The following SLC25A12 variants were observed in gnomAD, a reference collection of about 807,000 sequenced individuals.
SLC25A12 encodes the protein electrogenic aspartate/glutamate antiporter SLC25A12, mitochondrial.
Under a neutral mutation model 83.3 loss-of-function variants are expected in SLC25A12, and 32 were observed. That is an observed-to-expected ratio of 0.38 (90% CI 0.29 to 0.52). The LOEUF is 0.52. SLC25A12 is among the 20% of genes least tolerant of loss of function. SLC25A12 has a pLI of 0.84. For missense variants in SLC25A12, 611 were observed against 835.6 expected (o/e 0.73, Z 3.31); for synonymous variants, 267 against 291.1 (o/e 0.92, Z 0.84).
At chr2:171,857,778 C>A (rs1685076407) in intron 3 of SLC25A12, among the ~76,000 whole-genome samples, 1 of 151,846 alleles carries the variant, frequency 6.6e-6, no homozygotes, top group Non-Finnish European at 1.5e-5. Context: ...GTAGTCCCAG[C>A]TACTCAAAAG....
chr2:171,800,236 C>G (rs1049735393), intron 13 of SLC25A12, among the ~76,000 whole-genome samples: 2 of 151,962 alleles, frequency 1.3e-5, no homozygotes, highest in Admixed American at 1.3e-4. Flanking sequence ...TGACAAAGGG[C>G]TGTATCCATG....
intron 2 of SLC25A12, among the ~76,000 whole-genome samples, chr2:171,875,166 G>C (rs1338904856): frequency 1.3e-5 from 2 of 152,116 alleles, no homozygotes; most frequent in African/African-American, 4.8e-5. Flanking sequence ...CAACCAATCA[G>C]ACCAATTGCG....
chr2:171,810,627 T>C (rs540495163), intron 11 of SLC25A12, among the ~76,000 whole-genome samples: 1 of 152,286 alleles, frequency 6.6e-6, no homozygotes, highest in South Asian at 2.1e-4. Context: ...CCTCCCTTAT[T>C]ACAACCAACA....
At chr2:171,840,133 C>T (rs1211731823) in intron 5 of SLC25A12, among the ~76,000 whole-genome samples, 3 of 152,110 alleles carry the variant, frequency 2.0e-5, no homozygotes, top group Non-Finnish European at 2.9e-5. Flanking sequence ...TCTAATATTC[C>T]AGATTGGAGA....
rs1009219961 is a variant in SLC25A12, at chr2:171,834,654, G to A, written c.751+73C>T. 1.2e-5 allele frequency: 18 copies of A among 1,519,234 alleles called. No individual in the cohort carries two copies. In the Admixed American group the frequency reaches 2.8e-4, roughly 24 times the overall value. 94.1% of individuals were successfully genotyped at this position (1,519,234 alleles called of 1,614,324 possible). On this transcript the variant is annotated intron_variant, in intron 7 of 17. Transcript: ENST00000422440. ...ATCTGGCTTTAGAGTGGTAAGCTTAGATCAACATCATGCCTCAGTGAAGAA... is the reference window on the plus strand; with the variant it reads ...ATCTGGCTTTAGAGTGGTAAGCTTAAATCAACATCATGCCTCAGTGAAGAA...
intron 3 of SLC25A12, among the ~76,000 whole-genome samples, chr2:171,862,881 AGG>A (rs1685193407): frequency 6.6e-6 from 1 of 152,068 alleles, no homozygotes; most frequent in Admixed American, 6.6e-5. Context: ...AAATAGAAAG[AGG>A]GAGAAAAGAG....
In SLC25A12 at chr2:171,855,966, A is replaced by C; in HGVS notation, c.210-17T>G. The C allele has an allele frequency of 7.1e-7, 1 of 1,410,532 alleles. No individual in the cohort carries two copies. The highest frequency in any genetic ancestry group is 1.0e-6 in the Non-Finnish European group (1 of 994,474). 87.4% of individuals were successfully genotyped at this position (1,410,532 alleles called of 1,614,324 possible). On this transcript the variant is annotated splice_polypyrimidine_tract_variant and intron_variant, in intron 3 of 17. Coordinates refer to ENST00000422440, the MANE Select transcript of SLC25A12 (RefSeq NM_003705.5). ...GAGATCAACCTGGAATAAAATATAA[A>C]ACGTCATTGGCTGGTGAAGAAAGGG...
At chr2:171,815,909 AAC>A (rs1354663508) in intron 9 of SLC25A12, among the ~76,000 whole-genome samples, 1 of 152,032 alleles carries the variant, frequency 6.6e-6, no homozygotes, top group Non-Finnish European at 1.5e-5. Context: ...CATATTTGCC[AAC>A]GTCTTAATTA....
chr2:171,831,401 G>A (rs957115715), intron 8 of SLC25A12, among the ~76,000 whole-genome samples: 4 of 152,202 alleles, frequency 2.6e-5, no homozygotes, highest in Non-Finnish European at 5.9e-5. Flanking sequence ...TAGTAGGAAA[G>A]AGAGATATAA....
chr2:171,812,816 T>A (rs929950848), intron 11 of SLC25A12, among the ~76,000 whole-genome samples: 18 of 144,516 alleles, frequency 1.2e-4, no homozygotes, highest in Non-Finnish European at 1.8e-4. Flanking sequence ...TTTTTTTTTT[T>A]AAACCTTCAG....
chr2:171,851,198 TG>T (rs1372198104), intron 4 of SLC25A12, among the ~76,000 whole-genome samples: 5 of 151,500 alleles, frequency 3.3e-5, no homozygotes, highest in Non-Finnish European at 7.4e-5. Flanking sequence ...TTTTCTTGTT[TG>T]TTTTTTTTTT....
Position 171,788,029 on chromosome 2 carries a change from G to A in SLC25A12, c.1586-82C>T. On this transcript the variant is annotated intron_variant, in intron 15 of 17. Transcript: ENST00000422440. ...ACTGCTAACATCTACTATAGAGCCTGCAACTTCAACCACTTGAGCGGAACT... is the reference window on the plus strand; with the variant it reads ...ACTGCTAACATCTACTATAGAGCCTACAACTTCAACCACTTGAGCGGAACT... The A allele has an allele frequency of 7.0e-6, 10 of 1,427,828 alleles. No individual in the cohort carries two copies. The South Asian group carries it at 1.2e-4, about 17-fold the overall frequency. The allele number at this position is 1,427,828 out of a possible 1,614,324, so 88.4% of individuals were successfully genotyped here.
intron 3 of SLC25A12, chr2:171,856,602 T>C (rs1685050378): frequency 6.6e-6 from 1 of 152,290 alleles, no homozygotes; most frequent in Non-Finnish European, 1.5e-5. Context: ...GGATTCTTCT[T>C]TTTTTTAAGG....
Position 171,800,868 on chromosome 2 carries a change from G to A in SLC25A12, c.1306-7101C>T, listed in dbSNP as rs193155891. Among the ~76,000 whole-genome samples, 73 of 152,256 alleles carry A rather than the reference G, an allele frequency of 4.8e-4. No individual in the cohort carries two copies. In the East Asian group the frequency reaches 0.011, roughly 23 times the overall value. The stretch of plus-strand genomic sequence containing the variant: ...AGCCAGCCATGAAAGAATGCATCTC[G>A]TGCACTCCATTTACATGAAATCCAA... On this transcript the variant is annotated intron_variant, in intron 13 of 17. Transcript: ENST00000422440.
intron 4 of SLC25A12, among the ~76,000 whole-genome samples, chr2:171,851,461 T>A (rs940323591): frequency 4.0e-5 from 6 of 149,012 alleles, no homozygotes; most frequent in African/African-American, 1.5e-4. Context: ...AGTGCTGGGA[T>A]TACAGGCGTG....
At chr2:171,795,955 T>G (rs552730385) in intron 13 of SLC25A12, among the ~76,000 whole-genome samples, 1 of 152,256 alleles carries the variant, frequency 6.6e-6, no homozygotes, top group South Asian at 2.1e-4. Flanking sequence ...TTGTTTGTGT[T>G]TGTTTGTTTG....
intron 3 of SLC25A12, among the ~76,000 whole-genome samples, chr2:171,864,608 C>T (rs777891561): frequency 2.0e-5 from 3 of 152,210 alleles, no homozygotes; most frequent in South Asian, 2.1e-4. Context: ...CACATGCGCA[C>T]GCACACACAC....
At chr2:171,852,740 T>C (rs1382649401) in intron 4 of SLC25A12, 1 of 446,656 alleles carries the variant, frequency 2.2e-6, no homozygotes, top group Non-Finnish European at 4.5e-6. Flanking sequence ...AATTCTGTAG[T>C]CTTGAATATG....
chr2:171,885,073 C>T (rs907188881), intron 2 of SLC25A12, among the ~76,000 whole-genome samples: 8 of 148,370 alleles, frequency 5.4e-5, no homozygotes, highest in Admixed American at 3.4e-4. Context: ...ATTAGCTGGG[C>T]GTGGTGGCGG....
Sources: gnomAD v4.1 joint callset for allele counts (sites outside exome capture counted in the v4.1 genomes callset) on GRCh38, gnomAD v4.1.1 for gene constraint, MANE v1.5 for transcripts, NCBI Gene and HGNC (gene_info 2026-07-23, HGNC 2026-07-21) for gene names.